Variants in RAB38 observed in about 807,000 individuals in gnomAD.
RAB38 encodes the protein RAB38, member RAS oncogene family, also known as ras-related protein Rab-38.
A neutral mutation model predicts 18.4 loss-of-function variants in RAB38; 15 were observed. That is an observed-to-expected ratio of 0.82 (90% CI 0.55 to 1.26). The LOEUF is 1.26. Among genes scored for constraint, RAB38 ranks in the 50% most tolerant of loss-of-function variants. The pLI, the probability that RAB38 is intolerant of heterozygous loss-of-function variation, is 0.00. For missense variants in RAB38, 294 were observed against 267.4 expected, an observed-to-expected ratio of 1.10 and a Z score of -0.69; for synonymous variants, 101 against 104.4, an observed-to-expected ratio of 0.97 and a Z score of 0.20.
At chr11:88,122,130 G>T (rs1319004825) in intron 2 of RAB38, among the ~76,000 whole-genome samples, 1 of 151,914 alleles carries the variant, frequency 6.6e-6, no homozygotes, top group South Asian at 2.1e-4. Context: ...TTTTGCACCA[G>T]ACCCCATAAC....
At chr11:87,946,868 T>C in the RAB38 span, among the ~76,000 whole-genome samples, 134 of 152,312 alleles carry the variant, frequency 8.8e-4, no homozygotes, top group African/African-American at 3.2e-3. Flanking sequence ...CATGTGTCTT[T>C]ATAGCAGCAT....
At chr11:87,944,274 A>C in the RAB38 span, among the ~76,000 whole-genome samples, 2 of 152,146 alleles carry the variant, frequency 1.3e-5, no homozygotes, top group Non-Finnish European at 2.9e-5. Flanking sequence ...AATTGCAAAC[A>C]AACAAAAAAA....
intron 1 of RAB38, among the ~76,000 whole-genome samples, chr11:88,156,316 G>C (rs1249713075): frequency 6.6e-6 from 1 of 152,172 alleles, no homozygotes; most frequent in Non-Finnish European, 1.5e-5. Context: ...ACCCCATTTG[G>C]CTAACAGTGG....
At chr11:87,935,021 T>C in the RAB38 span, among the ~76,000 whole-genome samples, 4 of 151,876 alleles carry the variant, frequency 2.6e-5, no homozygotes, top group Non-Finnish European at 4.4e-5. Context: ...AGGCTAATGC[T>C]GGTAGAAACT....
chr11:87,919,549 G>A, the RAB38 span, among the ~76,000 whole-genome samples: 1 of 151,690 alleles, frequency 6.6e-6, no homozygotes, highest in Non-Finnish European at 1.5e-5. Context: ...AGGGATGTTG[G>A]CCTGTAATTT....
the RAB38 span, among the ~76,000 whole-genome samples, chr11:88,014,040 G>A: frequency 6.6e-6 from 1 of 152,132 alleles, no homozygotes; most frequent in Non-Finnish European, 1.5e-5. Flanking sequence ...GGAGATAGAA[G>A]ACAAGTGCAC....
chr11:87,876,815 T>G, the RAB38 span, among the ~76,000 whole-genome samples: 1 of 151,614 alleles, frequency 6.6e-6, no homozygotes, highest in African/African-American at 2.4e-5. Context: ...TTAGACCTGC[T>G]CACCTGGTAG....
intron 2 of RAB38, among the ~76,000 whole-genome samples, chr11:88,121,318 C>T (rs1942625675): frequency 6.6e-6 from 1 of 152,272 alleles, no homozygotes; most frequent in South Asian, 2.1e-4. Context: ...TAGCTGATGC[C>T]TATGGATAAC....
chr11:88,147,480 A>G (rs540427571), intron 2 of RAB38, among the ~76,000 whole-genome samples: 1 of 152,106 alleles, frequency 6.6e-6, no homozygotes, highest in Admixed American at 6.5e-5. Context: ...AAAGAAAGCA[A>G]TTTGAAGGAA....
chr11:87,976,918 TTATAATTACATTATACAAGTATATTATAA>T, the RAB38 span, among the ~76,000 whole-genome samples: 29 of 308 alleles, frequency 0.094, 9 homozygotes, highest in African/African-American at 0.33. Flanking sequence ...GTATTATATA[TTATAATTACATTATACAAGTATATTATAA>T]AATATAATTA....
chr11:88,026,783 T>G, the RAB38 span, among the ~76,000 whole-genome samples: 27 of 152,190 alleles, frequency 1.8e-4, no homozygotes, highest in African/African-American at 5.5e-4. Flanking sequence ...CAGTAATAAT[T>G]GATTCAGAGA....
the RAB38 span, among the ~76,000 whole-genome samples, chr11:88,047,617 G>C: frequency 6.6e-6 from 1 of 152,042 alleles, no homozygotes; most frequent in African/African-American, 2.4e-5. Context: ...ACTACAGAAG[G>C]GTCCTCTATC....
At chr11:87,913,441 T>G in the RAB38 span, among the ~76,000 whole-genome samples, 1 of 152,178 alleles carries the variant, frequency 6.6e-6, no homozygotes, top group African/African-American at 2.4e-5. Context: ...AAGTAACCCC[T>G]GAACATTAAA....
chr11:87,926,458 T>G, the RAB38 span, among the ~76,000 whole-genome samples: 5 of 152,198 alleles, frequency 3.3e-5, no homozygotes, highest in South Asian at 1.0e-3. Flanking sequence ...ATGAGAACAC[T>G]GAATCACTCA....
chr11:87,878,461 C>T, the RAB38 span, among the ~76,000 whole-genome samples: 2 of 151,014 alleles, frequency 1.3e-5, no homozygotes, highest in African/African-American at 4.9e-5. Flanking sequence ...GCAAGAGCTT[C>T]ACAACATTAA....
At chr11:87,825,633 G>T in the RAB38 span, among the ~76,000 whole-genome samples, 1 of 152,228 alleles carries the variant, frequency 6.6e-6, no homozygotes, top group East Asian at 1.9e-4. Context: ...TGAAGAATCT[G>T]GGGTTAGGGC....
At chr11:87,833,042 CTG>C in the RAB38 span, among the ~76,000 whole-genome samples, 2 of 152,166 alleles carry the variant, frequency 1.3e-5, no homozygotes, top group Admixed American at 6.5e-5. Context: ...TCCATTTAGA[CTG>C]TTCCCGTGGA....
chr11:87,936,361 T>C, the RAB38 span, among the ~76,000 whole-genome samples: 1 of 152,088 alleles, frequency 6.6e-6, no homozygotes, highest in African/African-American at 2.4e-5. Context: ...TTATTATTTA[T>C]TGGATGTCCA....
the RAB38 span, among the ~76,000 whole-genome samples, chr11:87,889,569 G>A: frequency 6.6e-6 from 1 of 151,784 alleles, no homozygotes; most frequent in African/African-American, 2.4e-5. Flanking sequence ...ATGTGAGGTT[G>A]TTTACGTATA....
Sources: allele counts gnomAD v4.1 joint callset (sites outside exome capture counted in the v4.1 genomes callset), GRCh38; gene constraint gnomAD v4.1.1; transcripts MANE v1.5; gene names NCBI Gene and HGNC (gene_info 2026-07-23, HGNC 2026-07-21).